Variants in DIP2C observed in about 807,000 individuals in gnomAD.
The protein encoded by DIP2C is disco-interacting protein 2 homolog C.
Under a neutral mutation model 192.4 loss-of-function variants are expected in DIP2C, and 33 were observed. The ratio of observed to expected loss-of-function variants is 0.17; its 90% CI spans 0.13 to 0.23. DIP2C has a LOEUF of 0.23. DIP2C is among the 10% of genes least tolerant of loss of function. DIP2C has a pLI of 1.00. For synonymous variants in DIP2C, 979 were observed against 864.1 expected (o/e 1.13, Z -2.33); for missense variants, 1,537 against 2,110.1 (o/e 0.73, Z 5.32).
At chr10:657,324 C>G (rs1481941191) in intron 1 of DIP2C, among the ~76,000 whole-genome samples, 11 of 10,772 alleles carry the variant, frequency 1.0e-3, no homozygotes, top group East Asian at 9.7e-3. Flanking sequence ...TGGACCTGCC[C>G]CTGGACCTGT....
chr10:338,584 C>G (rs1482897204), intron 29 of DIP2C, among the ~76,000 whole-genome samples: 1 of 152,222 alleles, frequency 6.6e-6, no homozygotes, highest in Non-Finnish European at 1.5e-5. Context: ...GTGTGTCAGG[C>G]TGTACCAGCC....
Position 652,373 on chromosome 10 carries a change from C to T in DIP2C, c.85+37121G>A, listed in dbSNP as rs1247446120. On this transcript the variant is annotated intron_variant, in intron 1 of 36. Transcript: ENST00000280886. The surrounding 1 kb of genome is among the most constrained non-coding windows in gnomAD (Gnocchi z 4.5). ...GAGGCTGAGAACTGAGTTCCAGTCC[C>T]GGGGTGGGGTGGCGGGGGGGCGCAC... 2.2e-5 allele frequency: 4 copies of T among 179,074 alleles called. No individual in the cohort carries two copies. The highest frequency in any genetic ancestry group is 3.6e-5 in the Non-Finnish European group (3 of 82,720). The allele number at this position is 179,074 out of a possible 1,614,324, so 11.1% of individuals were successfully genotyped here.
intron 1 of DIP2C, among the ~76,000 whole-genome samples, chr10:514,784 C>G (rs1250089289): frequency 1.3e-5 from 2 of 152,196 alleles, no homozygotes; most frequent in Admixed American, 6.5e-5. Context: ...TCACCACCCC[C>G]CTTCCATGGG....
chr10:493,287 A>T (rs1844581091), intron 1 of DIP2C, among the ~76,000 whole-genome samples: 1 of 152,212 alleles, frequency 6.6e-6, no homozygotes, highest in South Asian at 2.1e-4. Context: ...TTCACACAAA[A>T]AGGAAAGAAA....
chr10:515,448 T>G (rs1417541750), intron 1 of DIP2C, among the ~76,000 whole-genome samples: 1 of 152,108 alleles, frequency 6.6e-6, no homozygotes, highest in African/African-American at 2.4e-5. Context: ...TCGGGCCGGG[T>G]GCAGTGGCTC....
At chr10:600,477 T>A (rs1043863547) in intron 1 of DIP2C, among the ~76,000 whole-genome samples, 1 of 150,332 alleles carries the variant, frequency 6.7e-6, no homozygotes, top group Non-Finnish European at 1.5e-5. Flanking sequence ...CCTTTCCACC[T>A]TAAAGACGAC....
chr10:275,105 G>A lies in DIP2C; in HGVS notation c.*2220C>T, dbSNP rs1050584795. The A allele has an allele frequency of 4.6e-5, 7 of 152,254 alleles. No individual in the cohort carries two copies. Among genetic ancestry groups the A allele is most frequent in the African/African-American group, 1.7e-4 (7 of 41,456 alleles). The allele number at this position is 152,254 out of a possible 1,614,324, so 9.4% of individuals were successfully genotyped here. A position where few individuals can be genotyped will look rare whatever the true frequency, so the allele number is the denominator to read the frequency against. On this transcript the variant is annotated 3_prime_UTR_variant, in exon 37 of 37. Transcript: ENST00000280886. The stretch of plus-strand genomic sequence containing the variant: ...GCAGCGTCCACACTCCTTGAATGTA[G>A]AGTTGATCTGGTGACAGTTGAAATT...
At chr10:640,022 C>G (rs1302526723) in intron 1 of DIP2C, among the ~76,000 whole-genome samples, 1 of 151,570 alleles carries the variant, frequency 6.6e-6, no homozygotes, top group Admixed American at 6.6e-5. Flanking sequence ...CGCATCCCCA[C>G]GCGGCTAAAT....
intron 1 of DIP2C, among the ~76,000 whole-genome samples, chr10:672,987 T>C (rs570484458): frequency 6.6e-6 from 1 of 152,344 alleles, no homozygotes; most frequent in South Asian, 2.1e-4. Flanking sequence ...GATTAGATTT[T>C]AAATGTAAAG....
chr10:576,309 C>T (rs902883139), intron 1 of DIP2C, among the ~76,000 whole-genome samples: 2 of 152,318 alleles, frequency 1.3e-5, no homozygotes, highest in African/African-American at 2.4e-5. Flanking sequence ...ACATCACACT[C>T]GAGCACTCAC....
chr10:373,494 C>T (rs769040762), intron 17 of DIP2C, among the ~76,000 whole-genome samples: 5 of 152,196 alleles, frequency 3.3e-5, no homozygotes, highest in Admixed American at 2.0e-4. Context: ...TTGGGAGAAG[C>T]TGCGGCAGGG....
chr10:369,437 G>A, intron 18 of DIP2C, 57 bp downstream of exon 18: 1 of 1,479,124 alleles, frequency 6.8e-7, no homozygotes, highest in Non-Finnish European at 9.0e-7. Context: ...TTGGTGACAT[G>A]TGTTAGAAAA....
At chr10:491,565 T>A (rs1267737475) in intron 1 of DIP2C, among the ~76,000 whole-genome samples, 1 of 152,148 alleles carries the variant, frequency 6.6e-6, no homozygotes, top group Non-Finnish European at 1.5e-5. Flanking sequence ...GGACCTGGGA[T>A]GTCCTCTCAC....
At chr10:334,542 T>C (rs1449167603) in intron 29 of DIP2C, among the ~76,000 whole-genome samples, 1 of 152,192 alleles carries the variant, frequency 6.6e-6, no homozygotes. Context: ...TCCTGTGTTT[T>C]CTAAAATTTT....
At chr10:546,918 TTGAGA>T (rs971608591) in intron 1 of DIP2C, among the ~76,000 whole-genome samples, 6 of 152,248 alleles carry the variant, frequency 3.9e-5, no homozygotes, top group African/African-American at 1.2e-4. Context: ...GGTATTTTCC[TTGAGA>T]TGAAAGAATC....
At chr10:337,787 CTG>C (rs1207485731) in intron 29 of DIP2C, among the ~76,000 whole-genome samples, 2 of 126,306 alleles carry the variant, frequency 1.6e-5, no homozygotes, top group South Asian at 2.7e-4. Flanking sequence ...GCCTAGGCAG[CTG>C]TGTGTGTGCA....
intron 1 of DIP2C, among the ~76,000 whole-genome samples, chr10:556,542 G>C (rs1588455184): frequency 6.6e-6 from 1 of 151,008 alleles, no homozygotes; most frequent in African/African-American, 2.4e-5. Context: ...AACAGCCTTA[G>C]ACTGAACACA....
At chr10:628,585 G>A (rs1018512884) in intron 1 of DIP2C, 1 of 152,576 alleles carries the variant, frequency 6.6e-6, no homozygotes, top group South Asian at 2.1e-4. Context: ...ATGCGGCACA[G>A]GCGGAAGGCG....
rs190296515 is a variant in DIP2C, at chr10:365,916, C to T, written c.2268+359G>A. On this transcript the variant is annotated intron_variant, in intron 19 of 36. Transcript: ENST00000280886. ...AGGGTTCGTACCTGGCCACGTGTAG[C>T]CCAGGCCAAGGGGCTGTAAAGGGGC... is the stretch of plus-strand genomic sequence containing the variant. Among the ~76,000 whole-genome samples, 386 of 152,332 alleles carry T rather than the reference C, an allele frequency of 2.5e-3. 1 individual carries two copies. Among genetic ancestry groups the T allele is most frequent in the African/African-American group, 8.6e-3 (358 of 41,570 alleles).
Sources: gnomAD v4.1 joint callset for allele counts (sites outside exome capture counted in the v4.1 genomes callset) on GRCh38, gnomAD v4.1.1 for gene constraint, Gnocchi (gnomAD v3.1) non-coding constraint, MANE v1.5 for transcripts, NCBI Gene and HGNC (gene_info 2026-07-23, HGNC 2026-07-21) for gene names.